The following SLC17A6 variants were observed in gnomAD, a reference collection of about 807,000 sequenced individuals.
The protein encoded by SLC17A6 is vesicular glutamate transporter 2.
A neutral mutation model predicts 67.1 loss-of-function variants in SLC17A6; 35 were observed. That is an observed-to-expected ratio of 0.52 (90% CI 0.40 to 0.69). The LOEUF (loss-of-function observed/expected upper bound fraction) is 0.69. SLC17A6 is among the 30% of genes least tolerant of loss of function. The pLI is 0.00. For synonymous variants in SLC17A6, 285 were observed against 252.3 expected (o/e 1.13, Z -1.23); for missense variants, 588 against 723.9 (o/e 0.81, Z 2.15).
At chr11:22,377,338 A>C in intron 11 of SLC17A6, 67 bp from the exon 12 acceptor site, 4 of 1,397,032 alleles carry the variant, frequency 2.9e-6, no homozygotes, top group Non-Finnish European at 3.9e-6. Flanking sequence ...TGGTGCATTC[A>C]GAGAAGATGT....
chr11:22,358,750 C>A (rs1380683077), intron 3 of SLC17A6, among the ~76,000 whole-genome samples: 1 of 151,768 alleles, frequency 6.6e-6, no homozygotes, highest in African/African-American at 2.4e-5. Flanking sequence ...GTAGGCTGCT[C>A]GAGATGTGTC....
rs1409446098 is a variant in SLC17A6, at chr11:22,377,513, C to A, written c.1522C>A (p.Pro508Thr). ...ASGEKQPWAD[P>T]EETSEEKCGF... ...AGGAGAGAAACAACCCTGGGCAGAC[C>A]CGGAGGAAACAAGTGAAGAAAAATG... Residue 508 changes from proline (P) to threonine (T), a missense_variant, in exon 12 of 12, where the codon CCG becomes ACG. Physicochemically the swap from Pro to Thr is conservative, Grantham distance 38 (BLOSUM62 -1). This residue lies in a region of SLC17A6 where 414 missense variants were observed against 563.4 expected (regional missense o/e 0.73). Transcript: ENST00000263160. 3 of 1,613,918 alleles carry A rather than the reference C, an allele frequency of 1.9e-6. No homozygotes were observed. Among genetic ancestry groups the A allele is most frequent in the Non-Finnish European group, 2.5e-6 (3 of 1,179,968 alleles).
chr11:22,345,599 A>G (rs532008734), intron 3 of SLC17A6, among the ~76,000 whole-genome samples: 2 of 152,304 alleles, frequency 1.3e-5, no homozygotes, highest in South Asian at 4.1e-4. Flanking sequence ...GTTATGTTCT[A>G]TGATACTGAG....
intron 8 of SLC17A6, among the ~76,000 whole-genome samples, chr11:22,372,532 G>A (rs1856185295): frequency 6.6e-6 from 1 of 152,030 alleles, no homozygotes; most frequent in Non-Finnish European, 1.5e-5. Flanking sequence ...CAAGCCAAAT[G>A]AGAATAGACA....
chr11:22,367,102 T>C (rs1475638482), intron 7 of SLC17A6, among the ~76,000 whole-genome samples: 1 of 152,004 alleles, frequency 6.6e-6, no homozygotes, highest in Non-Finnish European at 1.5e-5. Context: ...ATAGTTTCCT[T>C]ATGCTAAGAG....
intron 5 of SLC17A6, among the ~76,000 whole-genome samples, chr11:22,361,490 A>C (rs1422091864): frequency 1.3e-5 from 2 of 152,144 alleles, no homozygotes; most frequent in Non-Finnish European, 2.9e-5. Context: ...ATAGTGAATA[A>C]AATGCCTATA....
chr11:22,361,103 G>A (rs567767428), intron 5 of SLC17A6, 119 bp downstream of exon 5: 2 of 651,584 alleles, frequency 3.1e-6, no homozygotes, highest in Admixed American at 2.7e-5. Flanking sequence ...GAACATCTGT[G>A]AGTGGTAAGG....
intron 8 of SLC17A6, among the ~76,000 whole-genome samples, chr11:22,371,059 A>G (rs1383694496): frequency 6.6e-6 from 1 of 152,164 alleles, no homozygotes; most frequent in Admixed American, 6.6e-5. Context: ...GCTTAAAGCC[A>G]CGCTAGTAAT....
intron 6 of SLC17A6, among the ~76,000 whole-genome samples, chr11:22,363,273 A>T (rs780728261): frequency 3.9e-5 from 6 of 152,118 alleles, no homozygotes; most frequent in Non-Finnish European, 8.8e-5. Context: ...TGCTAAAGTG[A>T]CTATTCAATT....
At chr11:22,370,244 A>G in intron 8 of SLC17A6, 56 bp downstream of exon 8, 1 of 1,458,168 alleles carries the variant, frequency 6.9e-7, no homozygotes, top group African/African-American at 1.4e-5. Flanking sequence ...TTAAGTGAAT[A>G]CTAAATTCAT....
At chr11:22,342,954 G>A (rs750857195) in intron 2 of SLC17A6, 1 of 520,082 alleles carries the variant, frequency 1.9e-6, no homozygotes, top group South Asian at 1.5e-5. Context: ...TTCCAAGACG[G>A]GGGCCCTCTA....
intron 1 of SLC17A6, among the ~76,000 whole-genome samples, chr11:22,340,889 G>A (rs1473812937): frequency 1.3e-5 from 2 of 152,230 alleles, no homozygotes; most frequent in Admixed American, 6.5e-5. Context: ...CTCACGCACA[G>A]GCACTAGCCT....
chr11:22,352,626 A>G (rs1855953639), intron 3 of SLC17A6, among the ~76,000 whole-genome samples: 1 of 152,212 alleles, frequency 6.6e-6, no homozygotes, highest in African/African-American at 2.4e-5. Context: ...ACCTGGACCC[A>G]ATTCTCCAAG....
At chr11:22,351,854 G>C (rs1296853126) in intron 3 of SLC17A6, among the ~76,000 whole-genome samples, 1 of 152,080 alleles carries the variant, frequency 6.6e-6, no homozygotes, top group African/African-American at 2.4e-5. Flanking sequence ...CCAATTATAA[G>C]TGTCAAAGTT....
At chr11:22,368,340 G>C (rs956014515) in intron 7 of SLC17A6, among the ~76,000 whole-genome samples, 1 of 151,882 alleles carries the variant, frequency 6.6e-6, no homozygotes, top group African/African-American at 2.4e-5. Flanking sequence ...TTATTGCAAA[G>C]TCTTTTAAAT....
Position 22,377,724 on chromosome 11 carries a change from G to A in SLC17A6, c.1733G>A (p.Arg578Gln), listed in dbSNP as rs773314692. Residue 578 changes from arginine to glutamine, a missense_variant, in exon 12 of 12, where the codon CGA becomes CAA. Arg to Gln is a conservative substitution (Grantham distance 43, BLOSUM62 1). Coordinates refer to ENST00000263160, the MANE Select transcript of SLC17A6 (RefSeq NM_020346.3). ...EVQDSHSYKDRVDYS is the reference protein window; with the variant it reads ...EVQDSHSYKDQVDYS ...CAAGACTCACATAGCTATAAGGACC[G>A]AGTTGATTATTCATAACAAAACTAA... 1.2e-5 allele frequency: 19 copies of A among 1,571,870 alleles called. No individual in the cohort carries two copies. Among genetic ancestry groups the A allele is most frequent in the Middle Eastern group, 1.7e-4 (1 of 5,878 alleles).
chr11:22,375,485 T>A (rs1856222552), intron 9 of SLC17A6, among the ~76,000 whole-genome samples: 1 of 152,104 alleles, frequency 6.6e-6, no homozygotes, highest in Non-Finnish European at 1.5e-5. Context: ...TCTTTGTTTG[T>A]TTTTGTGTTT....
chr11:22,342,285 G>A (rs1364435377), intron 2 of SLC17A6, among the ~76,000 whole-genome samples: 1 of 152,144 alleles, frequency 6.6e-6, no homozygotes, highest in Non-Finnish European at 1.5e-5. Context: ...AACGTAAGAG[G>A]GTCCCAGGGT....
intron 3 of SLC17A6, among the ~76,000 whole-genome samples, chr11:22,354,855 C>A (rs1855980135): frequency 6.6e-6 from 1 of 152,182 alleles, no homozygotes; most frequent in African/African-American, 2.4e-5. Flanking sequence ...AAATGAGAAT[C>A]TAGAAGTGAT....
Sources: gnomAD v4.1 joint callset for allele counts (sites outside exome capture counted in the v4.1 genomes callset) on GRCh38, gnomAD v4.1.1 for gene constraint, gnomAD v4.1.1 regional missense constraint, MANE v1.5 for transcripts, NCBI Gene and HGNC (gene_info 2026-07-23, HGNC 2026-07-21) for gene names.